TRHDE: variants seen among roughly 807,000 people sequenced by gnomAD.
The protein encoded by TRHDE is thyrotropin releasing hormone degrading enzyme, also known as thyrotropin-releasing hormone-degrading ectoenzyme.
Under a neutral mutation model 125.7 loss-of-function variants are expected in TRHDE, and 72 were observed. The observed-to-expected ratio is 0.57, with a 90% CI of 0.47 to 0.70. The LOEUF is 0.70. TRHDE is among the 30% of genes least tolerant of loss of function. The pLI is 0.00. For synonymous variants in TRHDE, 509 were observed against 509.1 expected (o/e 1.00, Z 0.00); for missense variants, 1,110 against 1,327.1 (o/e 0.84, Z 2.54).
At chr12:72,631,124 A>G (rs1873478778) in intron 15 of TRHDE, among the ~76,000 whole-genome samples, 1 of 151,558 alleles carries the variant, frequency 6.6e-6, no homozygotes. Flanking sequence ...ATCCTGAGAT[A>G]TACAGAGCAG....
intron 2 of TRHDE, among the ~76,000 whole-genome samples, chr12:72,252,719 T>C (rs558108743): frequency 2.0e-5 from 3 of 152,254 alleles, no homozygotes; most frequent in Admixed American, 6.5e-5. Flanking sequence ...ACAGATTACT[T>C]TGAGGCAAAT....
chr12:72,396,001 G>A (rs1435323624), intron 3 of TRHDE, among the ~76,000 whole-genome samples: 1 of 151,678 alleles, frequency 6.6e-6, no homozygotes, highest in African/African-American at 2.4e-5. Flanking sequence ...TATATCTTGT[G>A]TTCCCTCCTG....
intron 2 of TRHDE, among the ~76,000 whole-genome samples, chr12:72,133,655 C>T (rs576318797): frequency 2.0e-5 from 3 of 151,914 alleles, no homozygotes; most frequent in Non-Finnish European, 4.4e-5. Context: ...TATAGAGGTC[C>T]ATCACTGGGC....
At position 72,664,864 on chromosome 12, in the gene TRHDE, C is replaced by A. The variant is rs1233106269; in HGVS notation, c.*1669C>A. 6.6e-6 allele frequency: 1 copy of A among 151,992 alleles called. No homozygotes were observed. Among genetic ancestry groups the A allele is most frequent in the East Asian group, 1.9e-4 (1 of 5,180 alleles). The allele number at this position is 151,992 out of a possible 1,614,324, so 9.4% of individuals were successfully genotyped here. The stretch of plus-strand genomic sequence containing the variant: ...CCGAATCTATAGAATAAAGTACCAC[C>A]TAAAACTGAATTTTATCATATAAGC... On this transcript the variant is annotated 3_prime_UTR_variant, in exon 19 of 19. Transcript: ENST00000261180.
At chr12:72,166,907 CGTGTGTGTGTGTGTGT>C (rs59590935) in intron 2 of TRHDE, among the ~76,000 whole-genome samples, 56 of 139,332 alleles carry the variant, frequency 4.0e-4, no homozygotes, top group African/African-American at 1.2e-3. Context: ...GGTAGATGAA[CGTGTGTGTGTGTGTGT>C]GTGTGTGTGT....
intron 2 of TRHDE, among the ~76,000 whole-genome samples, chr12:72,107,147 A>G (rs539722181): frequency 5.9e-5 from 9 of 152,248 alleles, no homozygotes; most frequent in African/African-American, 1.7e-4. Context: ...TAATGTATCC[A>G]TACACTTTGT....
In TRHDE at chr12:72,411,319, A is replaced by G. The variant is rs539250605; in HGVS notation, c.1315+33198A>G. Among the ~76,000 whole-genome samples the G allele has an allele frequency of 9.2e-5, 14 of 152,134 alleles. No individual in the cohort carries two copies. In the South Asian group the frequency reaches 1.5e-3, roughly 16 times the overall value. On this transcript the variant is annotated intron_variant, in intron 3 of 18. Transcript: ENST00000261180. ...CTAATGAGAATTCAATAAGGTGCAT[A>G]TTAATATACAGTAATGAATTGCATT...
At chr12:72,512,454 TTATA>T (rs1565772062) in intron 6 of TRHDE, among the ~76,000 whole-genome samples, 4 of 139,326 alleles carry the variant, frequency 2.9e-5, no homozygotes, top group South Asian at 4.3e-4. Context: ...AATTATATAA[TTATA>T]ATATATTATA....
chr12:72,369,565 A>G (rs1871483245), intron 2 of TRHDE, among the ~76,000 whole-genome samples: 1 of 152,196 alleles, frequency 6.6e-6, no homozygotes. Flanking sequence ...TGTTTGTATG[A>G]CACACCAACC....
At chr12:72,114,364 G>A (rs762672878) in intron 2 of TRHDE, among the ~76,000 whole-genome samples, 17 of 152,064 alleles carry the variant, frequency 1.1e-4, no homozygotes, top group Non-Finnish European at 1.6e-4. Flanking sequence ...GCCTACTGTT[G>A]TCAGGAAGCC....
At chr12:72,550,298 G>T (rs1565786937) in intron 7 of TRHDE, among the ~76,000 whole-genome samples, 1 of 151,950 alleles carries the variant, frequency 6.6e-6, no homozygotes, top group Non-Finnish European at 1.5e-5. Flanking sequence ...AACTGTCTCT[G>T]ACTCTTTGTA....
At chr12:72,149,697 T>C (rs1468271386) in intron 2 of TRHDE, among the ~76,000 whole-genome samples, 1 of 152,068 alleles carries the variant, frequency 6.6e-6, no homozygotes, top group Non-Finnish European at 1.5e-5. Context: ...AAATAGCATG[T>C]GAAGTCCTAT....
At chr12:72,198,322 A>G (rs1356193138) in intron 2 of TRHDE, among the ~76,000 whole-genome samples, 1 of 152,082 alleles carries the variant, frequency 6.6e-6, no homozygotes, top group African/African-American at 2.4e-5. Context: ...GTGTGTATAC[A>G]ATTTTAAATT....
chr12:72,602,307 A>G (rs772855342), intron 12 of TRHDE, among the ~76,000 whole-genome samples: 3 of 152,234 alleles, frequency 2.0e-5, no homozygotes, highest in Non-Finnish European at 4.4e-5. Flanking sequence ...AAACACTAAA[A>G]GTAAAGAACT....
intron 2 of TRHDE, among the ~76,000 whole-genome samples, chr12:72,354,265 T>TA (rs984432234): frequency 4.0e-5 from 6 of 151,328 alleles, no homozygotes; most frequent in Non-Finnish European, 7.4e-5. Flanking sequence ...TTGTTACATG[T>TA]AAAAAAAAGA....
chr12:72,628,345 A>G (rs1256425057), intron 15 of TRHDE, among the ~76,000 whole-genome samples: 1 of 151,680 alleles, frequency 6.6e-6, no homozygotes, highest in East Asian at 1.9e-4. Flanking sequence ...AGAGATGCAC[A>G]TTCTTTAGAC....
At chr12:72,662,579 A>G (rs1874957118) in intron 18 of TRHDE, among the ~76,000 whole-genome samples, 1 of 152,148 alleles carries the variant, frequency 6.6e-6, no homozygotes, top group South Asian at 2.1e-4. Context: ...TGTCAAGCCC[A>G]ATACCACTCA....
At chr12:72,491,035 G>A (rs1320924085) in intron 5 of TRHDE, among the ~76,000 whole-genome samples, 1 of 147,234 alleles carries the variant, frequency 6.8e-6, no homozygotes, top group Admixed American at 6.8e-5. Flanking sequence ...TGATGGATAT[G>A]TTAATTTGCT....
intron 3 of TRHDE, among the ~76,000 whole-genome samples, chr12:72,469,073 A>G (rs1188581744): frequency 6.6e-6 from 1 of 152,124 alleles, no homozygotes; most frequent in African/African-American, 2.4e-5. Flanking sequence ...TTTTAGAGAT[A>G]ATTAAGGCTA....
Sources: allele counts gnomAD v4.1 joint callset (sites outside exome capture counted in the v4.1 genomes callset), GRCh38; gene constraint gnomAD v4.1.1; transcripts MANE v1.5; gene names NCBI Gene and HGNC (gene_info 2026-07-23, HGNC 2026-07-21).